Variants in ERBB4 observed in about 807,000 individuals in gnomAD.
The protein encoded by ERBB4 is erb-b2 receptor tyrosine kinase 4.
In ERBB4, 42 loss-of-function variants were observed where a neutral mutation model predicts 158.0. That is an observed-to-expected ratio of 0.27 (90% CI 0.21 to 0.34). The LOEUF is 0.34. Ranked by LOEUF, ERBB4 falls within the 10% of genes least tolerant of loss-of-function variation. The probability of loss-of-function intolerance (pLI) is 1.00; values close to 1 mark genes in which losing one functional copy is unlikely to be tolerated. For synonymous variants in ERBB4, 583 were observed against 558.7 expected, an observed-to-expected ratio of 1.04 and a Z score of -0.61; for missense variants, 1,333 against 1,624.1, an observed-to-expected ratio of 0.82 and a Z score of 3.08.
rs370195150 is a variant in ERBB4, at chr2:212,181,950, C to T, written c.83-57047G>A. ...AAATACTTTTGTGAGATAACTGATACACTACAAAAAATGCTGCAAGTGTAA... is the reference window on the plus strand; with the variant it reads ...AAATACTTTTGTGAGATAACTGATATACTACAAAAAATGCTGCAAGTGTAA... On this transcript the variant is annotated intron_variant, in intron 1 of 27. Coordinates refer to ENST00000342788, the MANE Select transcript of ERBB4 (RefSeq NM_005235.3). 4.0e-5 allele frequency among the ~76,000 whole-genome samples: 6 copies of T among 151,682 alleles called. No homozygotes were observed. In the East Asian group the frequency reaches 5.8e-4, roughly 15 times the overall value.
At chr2:211,716,642 T>C (rs55771984) in intron 7 of ERBB4, among the ~76,000 whole-genome samples, 16,946 of 151,694 alleles carry the variant, frequency 0.11, 1,172 homozygotes, top group East Asian at 0.24. Context: ...CGCCACTGCA[T>C]TCCGGCCTGG....
chr2:212,522,115 T>A (rs1692201804), intron 1 of ERBB4, among the ~76,000 whole-genome samples: 1 of 151,984 alleles, frequency 6.6e-6, no homozygotes, highest in Admixed American at 6.6e-5. Context: ...TATAAAATGT[T>A]GATATTTAGA....
chr2:211,843,782 A>G (rs2077530166), intron 3 of ERBB4, among the ~76,000 whole-genome samples: 1 of 152,016 alleles, frequency 6.6e-6, no homozygotes, highest in South Asian at 2.1e-4. Context: ...ATAAATGATC[A>G]TGTCTACTCC....
intron 4 of ERBB4, among the ~76,000 whole-genome samples, chr2:211,763,699 T>G (rs2106246873): frequency 6.6e-6 from 1 of 152,030 alleles, no homozygotes; most frequent in Middle Eastern, 3.4e-3. Flanking sequence ...AGCAGTCAGT[T>G]GTGGAGATTA....
At chr2:211,618,732 C>T (rs542055466) in intron 19 of ERBB4, among the ~76,000 whole-genome samples, 1 of 152,260 alleles carries the variant, frequency 6.6e-6, no homozygotes, top group South Asian at 2.1e-4. Flanking sequence ...CTTATTACCA[C>T]CACCACATAG....
At chr2:211,670,165 T>A (rs1186518426) in intron 14 of ERBB4, among the ~76,000 whole-genome samples, 2 of 152,196 alleles carry the variant, frequency 1.3e-5, no homozygotes, top group African/African-American at 2.4e-5. Context: ...GACTGTTATC[T>A]GGCACACAAA....
In ERBB4 at chr2:211,420,397, A is replaced by G. The variant is rs1021045025; in HGVS notation, c.3135+44T>C. On this transcript the variant is annotated intron_variant, in intron 25 of 27. Transcript: ENST00000342788. ...TGCTTATGAACTATTACATGATTTT[A>G]TATCTCAGAAAGAATATGATATGTG... The G allele has an allele frequency of 3.0e-6, 4 of 1,353,898 alleles. No individual in the cohort carries two copies. In the African/African-American group the frequency reaches 5.8e-5, roughly 20 times the overall value. 83.9% of individuals were successfully genotyped at this position (1,353,898 alleles called of 1,614,324 possible). A position where few individuals can be genotyped will look rare whatever the true frequency, so the allele number is the denominator to read the frequency against.
intron 1 of ERBB4, among the ~76,000 whole-genome samples, chr2:212,131,386 T>C (rs1222749190): frequency 6.6e-6 from 1 of 152,180 alleles, no homozygotes; most frequent in African/African-American, 2.4e-5. Flanking sequence ...ATCCAAACTC[T>C]TTAGCTTGTA....
chr2:211,713,662 A>G lies in ERBB4; in HGVS notation c.884-14T>C. 1.4e-6 allele frequency: 2 copies of G among 1,471,998 alleles called. No individual in the cohort carries two copies. The highest frequency in any genetic ancestry group is 1.9e-6 in the Non-Finnish European group (2 of 1,052,756). The allele number at this position is 1,471,998 out of a possible 1,614,324, so 91.2% of individuals were successfully genotyped here. A position where few individuals can be genotyped will look rare whatever the true frequency, so the allele number is the denominator to read the frequency against. On this transcript the variant is annotated splice_polypyrimidine_tract_variant and intron_variant, in intron 7 of 27. Coordinates refer to ENST00000342788, the MANE Select transcript of ERBB4 (RefSeq NM_005235.3). ...CCACAAAGTTATCTGATTAAAAAAA[A>G]AAAAAAGGTAAAATAAGCATTAATG...
chr2:211,476,318 A>C (rs376489523), intron 20 of ERBB4, among the ~76,000 whole-genome samples: 8 of 152,140 alleles, frequency 5.3e-5, no homozygotes, highest in African/African-American at 1.9e-4. Flanking sequence ...GGTTTGATAG[A>C]CATTGAGTGC....
intron 2 of ERBB4, among the ~76,000 whole-genome samples, chr2:212,040,816 G>C (rs921879397): frequency 6.6e-6 from 1 of 152,078 alleles, no homozygotes; most frequent in Non-Finnish European, 1.5e-5. Context: ...TCACTGCCGT[G>C]AGATTGATTT....
intron 1 of ERBB4, among the ~76,000 whole-genome samples, chr2:212,312,845 TATTA>T (rs1353343800): frequency 6.6e-6 from 1 of 150,832 alleles, no homozygotes; most frequent in Non-Finnish European, 1.5e-5. Context: ...AACAACATAG[TATTA>T]ATAAGGAAAA....
At chr2:211,860,242 T>C (rs1483653502) in intron 3 of ERBB4, among the ~76,000 whole-genome samples, 1 of 152,188 alleles carries the variant, frequency 6.6e-6, no homozygotes, top group Admixed American at 6.5e-5. Context: ...CTTTCACTCT[T>C]TGTAATTTGA....
intron 1 of ERBB4, among the ~76,000 whole-genome samples, chr2:212,189,091 G>T (rs1488168972): frequency 1.5e-5 from 2 of 133,038 alleles, no homozygotes; most frequent in Non-Finnish European, 3.3e-5. Context: ...TTGGGGGGGG[G>T]GGTGATTTTT....
chr2:211,382,105 A>G lies in ERBB4; in HGVS notation c.*1510T>C. On this transcript the variant is annotated 3_prime_UTR_variant, in exon 28 of 28. Transcript: ENST00000342788. ...ATAATTGCATGAGAAGATGTTTCAC[A>G]TTTATTTACAACTTTTGACCCAAGG... 1 of 230,330 alleles carries G rather than the reference A, an allele frequency of 4.3e-6. No individual in the cohort carries two copies. Among genetic ancestry groups the G allele is most frequent in the East Asian group, 6.2e-5 (1 of 16,110 alleles). The allele number at this position is 230,330 out of a possible 1,614,324, so 14.3% of individuals were successfully genotyped here.
At chr2:211,776,974 T>G (rs574604656) in intron 4 of ERBB4, among the ~76,000 whole-genome samples, 3 of 152,144 alleles carry the variant, frequency 2.0e-5, no homozygotes, top group Non-Finnish European at 4.4e-5. Context: ...AAATATGATT[T>G]CTGGGCTCTG....
chr2:212,301,121 CT>C (rs75336458), intron 1 of ERBB4, among the ~76,000 whole-genome samples: 105,267 of 144,556 alleles, frequency 0.73, 41,746 homozygotes, highest in Non-Finnish European at 0.88. Flanking sequence ...CATTGATATG[CT>C]TTTTTTTTTT....
At chr2:211,951,308 CATTAAT>C (rs1575425660) in intron 2 of ERBB4, among the ~76,000 whole-genome samples, 1 of 152,140 alleles carries the variant, frequency 6.6e-6, no homozygotes, top group East Asian at 1.9e-4. Flanking sequence ...AAAAGAGTAA[CATTAAT>C]AGTAATTTTT....
At chr2:211,767,785 G>A (rs763551968) in intron 4 of ERBB4, among the ~76,000 whole-genome samples, 9 of 152,194 alleles carry the variant, frequency 5.9e-5, no homozygotes, top group South Asian at 2.1e-4. Context: ...TATAACACAC[G>A]GGGATTATGG....
Sources: gnomAD v4.1 joint callset for allele counts (sites outside exome capture counted in the v4.1 genomes callset) on GRCh38, gnomAD v4.1.1 for gene constraint, MANE v1.5 for transcripts, NCBI Gene and HGNC (gene_info 2026-07-23, HGNC 2026-07-21) for gene names.